The following RUVBL1 variants were observed in gnomAD, a reference collection of about 807,000 sequenced individuals.
RUVBL1 encodes RuvB like AAA ATPase 1.
A neutral mutation model predicts 52.4 loss-of-function variants in RUVBL1; 4 were observed. The observed-to-expected ratio is 0.08, with a 90% CI of 0.04 to 0.17. The LOEUF (loss-of-function observed/expected upper bound fraction) is 0.17. RUVBL1 is among the 10% of genes least tolerant of loss of function. The pLI, the probability that RUVBL1 is intolerant of heterozygous loss-of-function variation, is 1.00. For missense variants in RUVBL1, 298 were observed against 572.8 expected (o/e 0.52, Z 4.90); for synonymous variants, 217 against 214.4 (o/e 1.01, Z -0.10).
chr3:128,145,690 A>G (rs1282271776), intron 1 of RUVBL1, among the ~76,000 whole-genome samples: 1 of 152,190 alleles, frequency 6.6e-6, no homozygotes, highest in Admixed American at 6.5e-5. Flanking sequence ...TCCACAGGTG[A>G]CAGTGATAAA....
At chr3:128,137,937 A>G (rs1470152099) in intron 1 of RUVBL1, among the ~76,000 whole-genome samples, 1 of 152,246 alleles carries the variant, frequency 6.6e-6, no homozygotes, top group African/African-American at 2.4e-5. Flanking sequence ...ATGAAGGACA[A>G]AAGCCATATG....
At chr3:128,152,908 T>TCCCCCTCCCCCGCCTCCCGCCGTC (rs1360480156) in intron 1 of RUVBL1, among the ~76,000 whole-genome samples, 1 of 2,804 alleles carries the variant, frequency 3.6e-4, no homozygotes, top group Non-Finnish European at 6.2e-4. Flanking sequence ...CCCCCCGCCC[T>TCCCCCTCCCCCGCCTCCCGCCGTC]CCCCCGCCCC....
At chr3:128,068,143 G>A (rs2107652727) in intron 9 of RUVBL1, 2 of 957,856 alleles carry the variant, frequency 2.1e-6, no homozygotes, top group Middle Eastern at 2.6e-4. Context: ...ATAGGCCCTA[G>A]CACTTACTGG....
chr3:128,097,224 T>C, intron 8 of RUVBL1, 76 bp downstream of exon 8: 1 of 1,394,366 alleles, frequency 7.2e-7, no homozygotes, highest in Non-Finnish European at 1.0e-6. Flanking sequence ...CTCATGGGGT[T>C]TGGAGAGATC....
intron 1 of RUVBL1, among the ~76,000 whole-genome samples, chr3:128,132,550 C>T (rs1943895836): frequency 1.3e-5 from 2 of 152,098 alleles, no homozygotes; most frequent in African/African-American, 4.8e-5. Context: ...TGGATACTAG[C>T]TTAGCCACAG....
In RUVBL1 at chr3:128,081,610, G is replaced by A. The variant is rs1051997976; in HGVS notation, c.1212-201C>T. On this transcript the variant is annotated intron_variant, in intron 10 of 10. Transcript: ENST00000322623. The surrounding 1 kb of genome is among the most constrained non-coding windows in gnomAD (Gnocchi z 4.8). The stretch of plus-strand genomic sequence containing the variant: ...TCATTATCCCATCAGAGAGGGTCCA[G>A]GAGCCACCAAGAAGACATAAGTGCT... The A allele has an allele frequency of 3.5e-6, 2 of 574,478 alleles. No homozygotes were observed. The highest frequency in any genetic ancestry group is 5.7e-5 in the East Asian group (2 of 35,314). 35.6% of individuals were successfully genotyped at this position (574,478 alleles called of 1,614,324 possible).
At chr3:128,074,854 A>AAAAAAAAAAAAAG (rs1942263332) in intron 9 of RUVBL1, among the ~76,000 whole-genome samples, 1 of 151,806 alleles carries the variant, frequency 6.6e-6, no homozygotes, top group African/African-American at 2.4e-5. Flanking sequence ...AAAAAAAAAA[A>AAAAAAAAAAAAAG]AAAAAAAAAA....
chr3:128,114,604 C>T (rs990228866), intron 2 of RUVBL1, among the ~76,000 whole-genome samples: 3 of 152,164 alleles, frequency 2.0e-5, no homozygotes, highest in African/African-American at 7.2e-5. Flanking sequence ...TCAGCAAGGC[C>T]GAGCACCTGG....
At chr3:128,122,043 G>A (rs1315931017) in intron 1 of RUVBL1, among the ~76,000 whole-genome samples, 1 of 152,216 alleles carries the variant, frequency 6.6e-6, no homozygotes, top group Admixed American at 6.5e-5. Flanking sequence ...GTGGGTCTTA[G>A]GCATACAGCA....
intron 1 of RUVBL1, among the ~76,000 whole-genome samples, chr3:128,151,188 AT>A (rs1229484877): frequency 7.5e-6 from 1 of 133,360 alleles, no homozygotes; most frequent in African/African-American, 2.8e-5. Context: ...TACATTCTAT[AT>A]ATACTCTATA....
exon 1 of RUVBL1, chr3:128,153,564 C>G: frequency 6.5e-7 from 1 of 1,537,064 alleles, no homozygotes. Flanking sequence ...TCGACAGCGG[C>G]AAGACGGCGC....
chr3:128,074,564 C>T (rs776217038), intron 9 of RUVBL1, among the ~76,000 whole-genome samples: 2 of 152,142 alleles, frequency 1.3e-5, no homozygotes, highest in Admixed American at 6.5e-5. Context: ...CATAAGCAGC[C>T]GGGCACAGTG....
At chr3:128,137,463 A>G (rs886216489) in intron 1 of RUVBL1, among the ~76,000 whole-genome samples, 4 of 152,226 alleles carry the variant, frequency 2.6e-5, no homozygotes, top group Non-Finnish European at 4.4e-5. Context: ...AGTTCTTGAC[A>G]TATACAACCT....
intron 2 of RUVBL1, 69 bp from the exon 3 acceptor site, chr3:128,113,089 C>T (rs1943430884): frequency 6.4e-7 from 1 of 1,553,160 alleles, no homozygotes; most frequent in Admixed American, 1.9e-5. Context: ...ACACATGCTA[C>T]AGAACCACCA....
intron 1 of RUVBL1, among the ~76,000 whole-genome samples, chr3:128,151,068 C>T (rs573553694): frequency 1.9e-4 from 19 of 98,944 alleles, no homozygotes; most frequent in African/African-American, 7.1e-4. Flanking sequence ...ATTATATGTT[C>T]TCTATATATT....
intron 8 of RUVBL1, among the ~76,000 whole-genome samples, chr3:128,094,045 AG>A (rs1232310424): frequency 7.9e-5 from 12 of 152,156 alleles, no homozygotes; most frequent in African/African-American, 2.9e-4. Context: ...AGCTTCCAAG[AG>A]GGCAATACTC....
chr3:128,121,576 G>A (rs759954898), intron 1 of RUVBL1, among the ~76,000 whole-genome samples: 24 of 151,490 alleles, frequency 1.6e-4, no homozygotes, highest in Non-Finnish European at 2.5e-4. Flanking sequence ...CGAGCGTGGT[G>A]GTAGGCGCCT....
Position 128,150,488 on chromosome 3 carries a change from T to TATATATATATGTATGTTCCATTGTATGGA in RUVBL1, c.-40+2686_-40+2714dup, listed in dbSNP as rs1314146780. 2.6e-4 allele frequency among the ~76,000 whole-genome samples: 39 copies of TATATATATATGTATGTTCCATTGTATGGA among 148,042 alleles called. No homozygotes were observed. In the South Asian group the frequency reaches 7.8e-3, roughly 29 times the overall value. On this transcript the variant is annotated intron_variant, in intron 1 of 9. Transcript: ENST00000464873. ...ATATGTGTATATATATTCCATTATATATATATATATGTATGTTCCATTGTA... is the reference window on the plus strand; with the variant it reads ...ATATGTGTATATATATTCCATTATATATATATATATGTATGTTCCATTGTATGGAATATATATATGTATGTTCCATTGTA...
chr3:128,077,966 C>T (rs549544484), downstream of RUVBL1, among the ~76,000 whole-genome samples: 7 of 152,330 alleles, frequency 4.6e-5, no homozygotes, highest in South Asian at 4.1e-4. Flanking sequence ...GAACTTCCCA[C>T]TCACACACCA....
Sources: gnomAD v4.1 joint callset for allele counts (sites outside exome capture counted in the v4.1 genomes callset) on GRCh38, gnomAD v4.1.1 for gene constraint, Gnocchi (gnomAD v3.1) non-coding constraint, MANE v1.5 for transcripts, NCBI Gene and HGNC (gene_info 2026-07-23, HGNC 2026-07-21) for gene names.